MCC: variants seen among roughly 807,000 people sequenced by gnomAD.
MCC encodes the protein colorectal mutant cancer protein.
Under a neutral mutation model 116.2 loss-of-function variants are expected in MCC, and 90 were observed. The ratio of observed to expected loss-of-function variants is 0.77; its 90% CI spans 0.65 to 0.92. The LOEUF is 0.92. Among genes scored for constraint, MCC ranks in the 40% least tolerant of loss-of-function variants. The pLI is 0.00. For synonymous variants in MCC, 578 were observed against 510.5 expected (o/e 1.13, Z -1.78); for missense variants, 1,516 against 1,312.2 (o/e 1.16, Z -2.40).
At chr5:113,157,808 T>C (rs1760255917) in intron 3 of MCC, among the ~76,000 whole-genome samples, 1 of 152,274 alleles carries the variant, frequency 6.6e-6, no homozygotes, top group African/African-American at 2.4e-5. Flanking sequence ...TGTTTTTTCC[T>C]ATACATACAA....
At chr5:113,426,607 G>C (rs1366658136) in intron 1 of MCC, among the ~76,000 whole-genome samples, 1 of 152,132 alleles carries the variant, frequency 6.6e-6, no homozygotes, top group East Asian at 1.9e-4. Flanking sequence ...GAATCATCTT[G>C]TGACCCTGGG....
At chr5:113,067,155 G>T (rs761065565) in intron 13 of MCC, among the ~76,000 whole-genome samples, 72 of 152,296 alleles carry the variant, frequency 4.7e-4, no homozygotes, top group Non-Finnish European at 6.9e-4. Context: ...AAAATTGAGG[G>T]ACAGAAGTGA....
chr5:113,458,062 C>T (rs546794652), intron 1 of MCC, among the ~76,000 whole-genome samples: 6 of 152,260 alleles, frequency 3.9e-5, no homozygotes, highest in South Asian at 2.1e-4. Flanking sequence ...ACAGACCACT[C>T]GGCTCTACCA....
At chr5:113,076,940 C>G (rs1344865774) in intron 11 of MCC, among the ~76,000 whole-genome samples, 2 of 152,038 alleles carry the variant, frequency 1.3e-5, no homozygotes, top group East Asian at 3.9e-4. Flanking sequence ...CACATGGGCT[C>G]AAAATGAAGG....
At chr5:113,229,609 T>G (rs17135464) in intron 3 of MCC, among the ~76,000 whole-genome samples, 5,758 of 152,292 alleles carry the variant, frequency 0.038, 272 homozygotes, top group African/African-American at 0.12. Flanking sequence ...TCTAGAGAAC[T>G]ATTTTGCAAT....
intron 8 of MCC, among the ~76,000 whole-genome samples, chr5:113,087,360 A>C (rs967781436): frequency 6.6e-6 from 1 of 152,208 alleles, no homozygotes; most frequent in Non-Finnish European, 1.5e-5. Context: ...GCTGTCCTCA[A>C]AACAGACCAG....
chr5:113,098,029 G>T (rs924598561), intron 8 of MCC, among the ~76,000 whole-genome samples: 2 of 152,208 alleles, frequency 1.3e-5, no homozygotes, highest in Non-Finnish European at 2.9e-5. Flanking sequence ...ACATGCAGAA[G>T]AATTCTGTAA....
chr5:113,307,973 C>T (rs1415971620), intron 3 of MCC, among the ~76,000 whole-genome samples: 1 of 151,624 alleles, frequency 6.6e-6, no homozygotes, highest in East Asian at 1.9e-4. Flanking sequence ...CTGTCTAAAT[C>T]CTTTTTTTTT....
rs560613036 is a variant in MCC at position 113,294,512 on chromosome 5, C to G, written c.627+46007G>C. ...TTTAGTCTAGACAGCCATTTTCACC[C>G]AGGACAGTTGCGAAGCGCAAACGGA... On this transcript the variant is annotated intron_variant, in intron 3 of 18. Transcript: ENST00000408903. 10 of 1,531,338 alleles carry G rather than the reference C, an allele frequency of 6.5e-6. No individual in the cohort carries two copies. In the South Asian group the frequency reaches 1.2e-4, roughly 19 times the overall value. 94.9% of individuals were successfully genotyped at this position (1,531,338 alleles called of 1,614,324 possible).
chr5:113,454,438 G>A (rs964814383), intron 1 of MCC, among the ~76,000 whole-genome samples: 1 of 152,128 alleles, frequency 6.6e-6, no homozygotes, highest in Non-Finnish European at 1.5e-5. Flanking sequence ...TAGTAAGTTT[G>A]TAGCAGAATT....
intron 3 of MCC, among the ~76,000 whole-genome samples, chr5:113,230,560 T>A (rs73778991): frequency 6.6e-6 from 1 of 152,172 alleles, no homozygotes; most frequent in Admixed American, 6.5e-5. Context: ...CACACTGACT[T>A]TTCAATTCAG....
At chr5:113,183,739 G>C (rs1234076330) in intron 3 of MCC, among the ~76,000 whole-genome samples, 1 of 152,194 alleles carries the variant, frequency 6.6e-6, no homozygotes, top group South Asian at 2.1e-4. Context: ...GACCAGTCCA[G>C]AGGGATGGGA....
chr5:113,406,467 C>G lies in MCC; in HGVS notation c.171-21255G>C, dbSNP rs374555520. On this transcript the variant is annotated intron_variant, in intron 1 of 18. Coordinates refer to ENST00000408903, the MANE Select transcript of MCC (RefSeq NM_001085377.2). ...TGTTGGCATATAATTAACTCCTGCC[C>G]GTATAAACGTAACGCAGATTCTCCT... 1.3e-3 allele frequency among the ~76,000 whole-genome samples: 201 copies of G among 152,230 alleles called. 1 individual carries two copies. Among genetic ancestry groups the G allele is most frequent in the African/African-American group, 4.5e-3 (189 of 41,542 alleles).
At chr5:113,294,996 G>A in intron 3 of MCC, 1 of 983,636 alleles carries the variant, frequency 1.0e-6, no homozygotes, top group Non-Finnish European at 1.2e-6. Flanking sequence ...GCGCGGAGGA[G>A]GCGGGGCTAG....
chr5:113,262,647 C>T (rs745919562), intron 3 of MCC, among the ~76,000 whole-genome samples: 91 of 152,064 alleles, frequency 6.0e-4, no homozygotes, highest in Non-Finnish European at 1.1e-3. Flanking sequence ...TAACTAGTCC[C>T]CAGTTAGCTT....
chr5:113,381,000 G>C (rs887959408), intron 2 of MCC, among the ~76,000 whole-genome samples: 1 of 152,202 alleles, frequency 6.6e-6, no homozygotes, highest in South Asian at 2.1e-4. Context: ...TTAGACATGG[G>C]ATTGAACTAA....
At chr5:113,232,336 T>C (rs1172235681) in intron 3 of MCC, among the ~76,000 whole-genome samples, 9 of 152,186 alleles carry the variant, frequency 5.9e-5, no homozygotes, top group Non-Finnish European at 1.3e-4. Flanking sequence ...TGGATTTCAG[T>C]GGGTGAATGA....
intron 4 of MCC, among the ~76,000 whole-genome samples, chr5:113,146,048 T>C (rs922061856): frequency 1.3e-5 from 2 of 152,170 alleles, no homozygotes; most frequent in Non-Finnish European, 2.9e-5. Flanking sequence ...AAGAATATAT[T>C]AGAGGAAAAA....
rs1754959817 is a variant in MCC, at chr5:113,082,928, G to A, written c.1716C>T (p.Tyr572=). Residue 572 remains tyrosine (Y), a synonymous_variant, in exon 11 of 19, where the codon TAC becomes TAT. Coordinates refer to ENST00000408903, the MANE Select transcript of MCC (RefSeq NM_001085377.2). ...TTTCTGAGATGGCAGATCCGTGTGA[G>A]TAGAGTGTTTGGAAAATCTCTTGGA... ...SNIQEIFQTL[Y]SHGSAISESK... 2 of 1,614,088 alleles carry A rather than the reference G, an allele frequency of 1.2e-6. No homozygotes were observed. Among genetic ancestry groups the A allele is most frequent in the South Asian group, 2.2e-5 (2 of 91,086 alleles).
Sources: gnomAD v4.1 joint callset for allele counts (sites outside exome capture counted in the v4.1 genomes callset) on GRCh38, gnomAD v4.1.1 for gene constraint, MANE v1.5 for transcripts, NCBI Gene and HGNC (gene_info 2026-07-23, HGNC 2026-07-21) for gene names.